Variants in CARF observed in about 807,000 individuals in gnomAD.
CARF encodes calcium-responsive transcription factor.
Under a neutral mutation model 82.0 loss-of-function variants are expected in CARF, and 57 were observed. The observed-to-expected ratio is 0.70, with a 90% CI of 0.56 to 0.87. The LOEUF (loss-of-function observed/expected upper bound fraction) is 0.87, where lower values mean the gene tolerates loss of function less well. Among genes scored for constraint, CARF ranks in the 40% least tolerant of loss-of-function variants. The probability of loss-of-function intolerance (pLI) is 0.00; values close to 1 mark genes in which losing one functional copy is unlikely to be tolerated. For missense variants in CARF, 771 were observed against 855.8 expected, an observed-to-expected ratio of 0.90 and a Z score of 1.24; for synonymous variants, 268 against 290.1, an observed-to-expected ratio of 0.92 and a Z score of 0.77.
chr2:202,969,919 G>T lies in CARF; in HGVS notation c.954G>T (p.Arg318=). 1 of 1,484,176 alleles carries T rather than the reference G, an allele frequency of 6.7e-7. No homozygotes were observed. Among genetic ancestry groups the T allele is most frequent in the South Asian group, 1.3e-5 (1 of 74,810 alleles). 91.9% of individuals were successfully genotyped at this position (1,484,176 alleles called of 1,614,324 possible). The change falls in exon 11 of 17, where the codon CGG becomes CGT. Residue 318 remains arginine, a splice_region_variant and synonymous_variant. Coordinates refer to ENST00000438828, the MANE Select transcript of CARF (RefSeq NM_024744.17). ...AAATTCTTCTTTATCTTGTATAAAG[G>T]ATTTACATTAAAAAGGTACAGAAGT... ...CQLYKATCPA[R]IYIKKVQKFP...
At chr2:202,961,449 T>A in intron 9 of CARF, 23 bp downstream of exon 9, 1 of 1,601,818 alleles carries the variant, frequency 6.2e-7, no homozygotes, top group Non-Finnish European at 8.5e-7. Flanking sequence ...AGAATTATTT[T>A]AAAAGGTTCA....
intron 3 of CARF, among the ~76,000 whole-genome samples, chr2:202,941,180 TAA>T (rs1200071506): frequency 6.6e-6 from 1 of 152,140 alleles, no homozygotes; most frequent in Admixed American, 6.6e-5. Context: ...GATTAGGATA[TAA>T]GTGATAATTT....
intron 14 of CARF, among the ~76,000 whole-genome samples, chr2:202,978,276 A>G (rs1317379534): frequency 9.2e-5 from 14 of 152,234 alleles, no homozygotes; most frequent in Non-Finnish European, 4.4e-5. Context: ...AAAGTTGAGT[A>G]TCTGAGCCAT....
chr2:202,947,801 GTTGT>G (rs1239163932), intron 5 of CARF, among the ~76,000 whole-genome samples: 2 of 152,068 alleles, frequency 1.3e-5, no homozygotes, highest in Non-Finnish European at 2.9e-5. Context: ...CATTCTTCAG[GTTGT>G]TTGTTTACTG....
At chr2:202,956,415 C>G (rs923479341) in intron 8 of CARF, among the ~76,000 whole-genome samples, 1 of 151,834 alleles carries the variant, frequency 6.6e-6, no homozygotes, top group Non-Finnish European at 1.5e-5. Context: ...GCCACCACAC[C>G]TGGCTAATTT....
rs2105957481 is a variant in CARF at position 202,986,161 on chromosome 2, C to G, written c.*2537C>G. On this transcript the variant is annotated 3_prime_UTR_variant, in exon 17 of 17. Coordinates refer to ENST00000438828, the MANE Select transcript of CARF (RefSeq NM_024744.17). The stretch of plus-strand genomic sequence containing the variant: ...CATGTAAGTATTTCAAGGAGTAGCT[C>G]TTTAAAAATGGTTTCTAAATTAGAT... The G allele has an allele frequency of 6.6e-6, 1 of 152,140 alleles. No individual in the cohort carries two copies. Among genetic ancestry groups the G allele is most frequent in the Non-Finnish European group, 1.5e-5 (1 of 67,938 alleles). The allele number at this position is 152,140 out of a possible 1,614,324, so 9.4% of individuals were successfully genotyped here.
Position 202,981,675 on chromosome 2 carries a change from C to T in CARF, c.1679C>T (p.Thr560Ile). Reference sequence around the variant, plus strand: ...TCCTCATTTCAGCCCAAAATATTTACACAACTACAGGTAGGTATCCAGTAA... The same window carrying T: ...TCCTCATTTCAGCCCAAAATATTTATACAACTACAGGTAGGTATCCAGTAA... ...SLSSFQPKIF[T>I]QLQGLQLQPR... The change falls in exon 15 of 17, where the codon ACA becomes ATA. Residue 560 changes from threonine to isoleucine, a missense_variant. Physicochemically the swap from Thr to Ile is moderately conservative, Grantham distance 89. Transcript: ENST00000438828. 1 of 1,611,496 alleles carries T rather than the reference C, an allele frequency of 6.2e-7. No homozygotes were observed. Among genetic ancestry groups the T allele is most frequent in the Non-Finnish European group, 8.5e-7 (1 of 1,178,614 alleles).
At position 202,974,401 on chromosome 2, in the gene CARF, C is replaced by T; in HGVS notation, c.1399C>T (p.Pro467Ser). The T allele has an allele frequency of 1.2e-6, 2 of 1,608,304 alleles. No individual in the cohort carries two copies. The highest frequency in any genetic ancestry group is 1.1e-5 in the South Asian group (1 of 89,714). The part of the protein sequence containing the change: ...VPERHNLSFF[P>S]TVNDIKNHIH... ...TGAAAGACATAATTTATCTTTTTTT[C>T]CAACTGTAAATGATATAAAAAATCA... Residue 467 changes from proline (P) to serine (S), a missense_variant, in exon 13 of 17, where the codon CCA becomes TCA. By Grantham distance (74) the Pro-to-Ser change is moderately conservative. Coordinates refer to ENST00000438828, the MANE Select transcript of CARF (RefSeq NM_024744.17).
At chr2:202,930,912 C>A (rs1692780915) in intron 3 of CARF, among the ~76,000 whole-genome samples, 1 of 151,138 alleles carries the variant, frequency 6.6e-6, no homozygotes, top group African/African-American at 2.4e-5. Context: ...TGATGATCCA[C>A]TTCCCCTTAA....
At chr2:202,927,482 T>C (rs1692071826) in intron 3 of CARF, among the ~76,000 whole-genome samples, 1 of 152,184 alleles carries the variant, frequency 6.6e-6, no homozygotes, top group South Asian at 2.1e-4. Flanking sequence ...GTGGTGAGAA[T>C]ATTTAAAATC....
intron 10 of CARF, among the ~76,000 whole-genome samples, chr2:202,968,263 G>T (rs1024154579): frequency 6.6e-6 from 1 of 152,044 alleles, no homozygotes; most frequent in South Asian, 2.1e-4. Flanking sequence ...TTAGCCAGCC[G>T]TGGTGGCGGG....
intron 3 of CARF, among the ~76,000 whole-genome samples, chr2:202,931,008 CTT>C (rs951732136): frequency 9.3e-6 from 1 of 107,664 alleles, no homozygotes; most frequent in Non-Finnish European, 1.7e-5. Flanking sequence ...GAGTTTCACT[CTT>C]GTTGCCCAGG....
intron 12 of CARF, among the ~76,000 whole-genome samples, chr2:202,973,033 G>C (rs936024987): frequency 5.9e-5 from 9 of 152,044 alleles, no homozygotes; most frequent in Non-Finnish European, 8.8e-5. Flanking sequence ...CAAGAAGATG[G>C]GATTGCAGAA....
intron 9 of CARF, chr2:202,961,766 A>G: frequency 2.9e-6 from 1 of 349,210 alleles, no homozygotes; most frequent in Non-Finnish European, 5.1e-6. Context: ...CAGATTAAAT[A>G]TTTTAGCCTT....
chr2:202,971,353 T>C (rs888657075), intron 11 of CARF, 152 bp from the exon 12 acceptor site: 1 of 394,884 alleles, frequency 2.5e-6, no homozygotes, highest in African/African-American at 2.0e-5. Flanking sequence ...TTTTATTTGA[T>C]ATGAAATAAC....
At position 202,987,023 on chromosome 2, in the gene CARF, T is replaced by G. The variant is rs1265956866; in HGVS notation, c.*3399T>G. The G allele has an allele frequency of 6.6e-6, 1 of 150,798 alleles. No individual in the cohort carries two copies. The highest frequency in any genetic ancestry group is 1.5e-5 in the Non-Finnish European group (1 of 67,798). The allele number at this position is 150,798 out of a possible 1,614,324, so 9.3% of individuals were successfully genotyped here. On this transcript the variant is annotated 3_prime_UTR_variant, in exon 17 of 17. Coordinates refer to ENST00000438828, the MANE Select transcript of CARF (RefSeq NM_024744.17). The stretch of plus-strand genomic sequence containing the variant: ...TTTTTCTTAGAGATAGTGGCAATTT[T>G]GTTCATCTTGAAGATGCTGAATAAA...
At chr2:202,959,435 G>C (rs2059204373) in intron 8 of CARF, among the ~76,000 whole-genome samples, 1 of 152,036 alleles carries the variant, frequency 6.6e-6, no homozygotes, top group South Asian at 2.1e-4. Context: ...TTCCTCTAAG[G>C]GGGAAACATA....
chr2:202,929,823 G>T (rs1009696203), intron 3 of CARF, among the ~76,000 whole-genome samples: 42 of 152,122 alleles, frequency 2.8e-4, no homozygotes, highest in African/African-American at 9.9e-4. Context: ...GGAATCCTGG[G>T]CTCAAGCAAT....
Position 202,931,250 on chromosome 2 carries a change from G to A in CARF, c.-44+6835G>A, listed in dbSNP as rs151020308. ...GCCTCCCAAAGTGCTGGGATTACAG[G>A]TGTGAGCCACTGCTCCCGGCCATGA... On this transcript the variant is annotated intron_variant, in intron 3 of 16. Coordinates refer to ENST00000438828, the MANE Select transcript of CARF (RefSeq NM_024744.17). Among the ~76,000 whole-genome samples the A allele has an allele frequency of 1.4e-4, 21 of 152,186 alleles. 1 individual carries two copies. Among genetic ancestry groups the A allele is most frequent in the African/African-American group, 5.1e-4 (21 of 41,548 alleles).
Sources: gnomAD v4.1 joint callset for allele counts (sites outside exome capture counted in the v4.1 genomes callset) on GRCh38, gnomAD v4.1.1 for gene constraint, MANE v1.5 for transcripts, NCBI Gene and HGNC (gene_info 2026-07-23, HGNC 2026-07-21) for gene names.